Variants in MYOM3 observed in about 807,000 individuals in gnomAD.
The protein encoded by MYOM3 is myomesin-3.
A neutral mutation model predicts 191.7 loss-of-function variants in MYOM3; 155 were observed. That is an observed-to-expected ratio of 0.81 (90% CI 0.71 to 0.92). The LOEUF (loss-of-function observed/expected upper bound fraction) is 0.92, where lower values mean the gene tolerates loss of function less well. Ranked by LOEUF, MYOM3 falls within the 40% of genes least tolerant of loss-of-function variation. The pLI, the probability that MYOM3 is intolerant of heterozygous loss-of-function variation, is 0.00. For missense variants in MYOM3, 1,889 were observed against 1,890.6 expected (o/e 1.00, Z 0.02); for synonymous variants, 757 against 762.9 (o/e 0.99, Z 0.13).
intron 21 of MYOM3, among the ~76,000 whole-genome samples, chr1:24,075,834 C>T (rs1026618431): frequency 6.6e-6 from 1 of 152,218 alleles, no homozygotes; most frequent in African/African-American, 2.4e-5. Flanking sequence ...TCATTCACTC[C>T]TGTATTCGCA....
At chr1:24,069,041 T>G (rs1045731472) in intron 25 of MYOM3, among the ~76,000 whole-genome samples, 1 of 152,140 alleles carries the variant, frequency 6.6e-6, no homozygotes, top group African/African-American at 2.4e-5. Flanking sequence ...TCCTACTTCT[T>G]TTAAAATAGG....
At chr1:24,108,747 G>C (rs1207471280) in intron 1 of MYOM3, 93 bp from the exon 2 acceptor site, 1 of 916,952 alleles carries the variant, frequency 1.1e-6, no homozygotes, top group East Asian at 3.2e-5. Flanking sequence ...CTGGCAGGAT[G>C]GGGGGTGGGG....
At chr1:24,089,714 C>A (rs941626179) in intron 13 of MYOM3, 49 bp from the exon 14 acceptor site, 1 of 1,525,572 alleles carries the variant, frequency 6.6e-7, no homozygotes, top group Admixed American at 2.1e-5. Flanking sequence ...CTCAGAGACC[C>A]CCTAATCTCA....
intron 20 of MYOM3, among the ~76,000 whole-genome samples, chr1:24,076,550 G>T (rs1375622807): frequency 4.0e-5 from 3 of 75,158 alleles, no homozygotes; most frequent in African/African-American, 5.0e-5. Context: ...GTCTCGCTCT[G>T]TCGCCCAGGC....
At chr1:24,061,857 G>C in intron 33 of MYOM3, 89 bp downstream of exon 33, 1 of 1,434,092 alleles carries the variant, frequency 7.0e-7, no homozygotes, top group Non-Finnish European at 9.7e-7. Flanking sequence ...CTCCCAAAGT[G>C]CTGGGATTAC....
In MYOM3 at chr1:24,111,921, AACACACACACGTGCAC is replaced by A. The variant is rs765857216; in HGVS notation, c.-19+94_-19+109del. The A allele has an allele frequency of 3.3e-5, 5 of 150,356 alleles. No individual in the cohort carries two copies. Among genetic ancestry groups the A allele is most frequent in the Non-Finnish European group, 5.9e-5 (4 of 67,754 alleles). The allele number at this position is 150,356 out of a possible 1,614,324, so 9.3% of individuals were successfully genotyped here. A position where few individuals can be genotyped will look rare whatever the true frequency, so the allele number is the denominator to read the frequency against. Reference sequence around the variant, plus strand: ...ACAACACACAACACACATACACACAAACACACACACGTGCACACACACACACACATGCACCCACAGA... The same window carrying A: ...ACAACACACAACACACATACACACAAACACACACACACATGCACCCACAGA... On this transcript the variant is annotated intron_variant, in intron 1 of 36. Transcript: ENST00000374434. The surrounding 1 kb of genome is among the most constrained non-coding windows in gnomAD (Gnocchi z 4.7).
In MYOM3 at chr1:24,063,301, C is replaced by G. The variant is rs1228257926; in HGVS notation, c.3662-67G>C. 1 of 1,458,730 alleles carries G rather than the reference C, an allele frequency of 6.9e-7. No individual in the cohort carries two copies. Among genetic ancestry groups the G allele is most frequent in the Non-Finnish European group, 9.6e-7 (1 of 1,041,180 alleles). The allele number at this position is 1,458,730 out of a possible 1,614,324, so 90.4% of individuals were successfully genotyped here. On this transcript the variant is annotated intron_variant, in intron 31 of 36. Coordinates refer to ENST00000374434, the MANE Select transcript of MYOM3 (RefSeq NM_152372.4). This position sits in a 1 kb window ranked among gnomAD's most constrained non-coding sequence, Gnocchi z 4.5. ...TTTAGGCATCAGATTTTGGGGCCGG[C>G]TTGTCTGCCTCTGCCCTGGGGGGCA...
chr1:24,091,259 G>A (rs142914773), intron 11 of MYOM3, among the ~76,000 whole-genome samples: 2 of 152,312 alleles, frequency 1.3e-5, no homozygotes, highest in Non-Finnish European at 2.9e-5. Flanking sequence ...TCCACACCCA[G>A]CCCTCGTTTT....
At chr1:24,068,152 C>A in intron 26 of MYOM3, 71 bp downstream of exon 26, 2 of 1,339,874 alleles carry the variant, frequency 1.5e-6, no homozygotes, top group Non-Finnish European at 2.0e-6. Context: ...GGACTCAGGG[C>A]TGCAGGGCAG....
At chr1:24,067,342 T>TTCCTTCTTTCTTTC (rs1643455805) in intron 27 of MYOM3, among the ~76,000 whole-genome samples, 1 of 75,742 alleles carries the variant, frequency 1.3e-5, no homozygotes, top group Non-Finnish European at 2.7e-5. Flanking sequence ...CTTTCTTTCT[T>TTCCTTCTTTCTTTC]TCTTTCTTTC....
chr1:24,071,117 C>G lies in MYOM3; in HGVS notation c.3150G>C (p.Pro1050=). The change falls in exon 25 of 37, where the codon CCG becomes CCC. Residue 1050 remains proline, a splice_region_variant and synonymous_variant. Transcript: ENST00000374434. ...TCAGGGATTGTGAGCACCCAATTAC[C>G]GGCGAGCTGAAGATCTCCTTGTTGT... ...IFNNKEIFSS[P]NRKINFDREK... The G allele has an allele frequency of 1.2e-6, 2 of 1,613,444 alleles. No individual in the cohort carries two copies. The highest frequency in any genetic ancestry group is 2.2e-5 in the South Asian group (2 of 91,012).
At chr1:24,085,697 T>C (rs756656248) in intron 15 of MYOM3, among the ~76,000 whole-genome samples, 12 of 152,146 alleles carry the variant, frequency 7.9e-5, no homozygotes, top group South Asian at 2.1e-4. Flanking sequence ...TTAAGTGTGG[T>C]TTATGGTCCA....
At chr1:24,095,309 A>G in intron 8 of MYOM3, 133 bp downstream of exon 8, 1 of 871,186 alleles carries the variant, frequency 1.1e-6, no homozygotes, top group Non-Finnish European at 1.8e-6. Context: ...AGGTATTACC[A>G]GCTCATAGAC....
Position 24,062,867 on chromosome 1 carries a change from G to A in MYOM3, c.3770+259C>T, listed in dbSNP as rs111994855. On this transcript the variant is annotated intron_variant, in intron 32 of 36. Coordinates refer to ENST00000374434, the MANE Select transcript of MYOM3 (RefSeq NM_152372.4). The stretch of plus-strand genomic sequence containing the variant: ...AGAGTTTCCAGAAAAATGTTGTCCC[G>A]CCAAGGTTCCCACCTTCCCTGGGGA... Among the ~76,000 whole-genome samples the A allele has an allele frequency of 4.5e-3, 681 of 152,232 alleles. 5 individuals are homozygous for A. Among genetic ancestry groups the A allele is most frequent in the Non-Finnish European group, 7.0e-3 (474 of 68,014 alleles).
chr1:24,074,185 G>A lies in MYOM3; in HGVS notation c.2943C>T (p.Ser981=), dbSNP rs780121192. The A allele has an allele frequency of 4.2e-5, 68 of 1,613,726 alleles. No homozygotes were observed. In the African/African-American group the frequency reaches 6.7e-4, roughly 16 times the overall value. Reference sequence around the variant, plus strand: ...CTTCCTCGGTTAGCGTGTGGCTTGCGGAGATGTCTTCATCGGCATCAGTGA... The same window carrying A: ...CTTCCTCGGTTAGCGTGTGGCTTGCAGAGATGTCTTCATCGGCATCAGTGA... The part of the protein sequence containing the change: ...VIVTDADEDI[S]ASHTLTEEEL... The change falls in exon 23 of 37, where the codon TCC becomes TCT. Residue 981 remains serine (S), a synonymous_variant. Transcript: ENST00000374434.
intron 24 of MYOM3, 56 bp from the exon 25 acceptor site, chr1:24,071,309 C>A (rs557247040): frequency 1.3e-6 from 2 of 1,549,572 alleles, no homozygotes; most frequent in African/African-American, 1.4e-5. Context: ...CTTTCCCGCT[C>A]CCTTCCAGCC....
At chr1:24,107,489 G>A (rs1214369161) in intron 3 of MYOM3, among the ~76,000 whole-genome samples, 2 of 152,192 alleles carry the variant, frequency 1.3e-5, no homozygotes, top group African/African-American at 4.8e-5. Context: ...CGACAGCCAA[G>A]TGGCCAGGCC....
intron 15 of MYOM3, 147 bp from the exon 16 acceptor site, chr1:24,084,786 A>G: frequency 1.4e-6 from 1 of 728,426 alleles, no homozygotes; most frequent in Non-Finnish European, 2.3e-6. Context: ...GGGCTTTGGG[A>G]CCTCTTCCCT....
rs374233798 is a variant in MYOM3 at position 24,091,016 on chromosome 1, C to G, written c.1233-20G>C. ...TGGCACCTGTTGGAGACAGGCCCCCCCTTTCAGCCCCTGCCCACAATGCAC... is the reference window on the plus strand; with the variant it reads ...TGGCACCTGTTGGAGACAGGCCCCCGCTTTCAGCCCCTGCCCACAATGCAC... On this transcript the variant is annotated intron_variant, in intron 11 of 36. Coordinates refer to ENST00000374434, the MANE Select transcript of MYOM3 (RefSeq NM_152372.4). The G allele has an allele frequency of 7.0e-5, 113 of 1,612,658 alleles. No individual in the cohort carries two copies. Among genetic ancestry groups the G allele is most frequent in the Non-Finnish European group, 9.1e-5 (107 of 1,179,332 alleles).
Sources: allele counts gnomAD v4.1 joint callset (sites outside exome capture counted in the v4.1 genomes callset), GRCh38; gene constraint gnomAD v4.1.1; non-coding constraint Gnocchi (gnomAD v3.1); transcripts MANE v1.5; gene names NCBI Gene and HGNC (gene_info 2026-07-23, HGNC 2026-07-21).